ANO1: variants seen among roughly 807,000 people sequenced by gnomAD.
ANO1 encodes the protein anoctamin 1.
Under a neutral mutation model 124.0 loss-of-function variants are expected in ANO1, and 59 were observed. That is an observed-to-expected ratio of 0.48 (90% CI 0.39 to 0.59). The LOEUF (loss-of-function observed/expected upper bound fraction) is 0.59, where lower values mean the gene tolerates loss of function less well. Among genes scored for constraint, ANO1 ranks in the 20% least tolerant of loss-of-function variants. The probability of loss-of-function intolerance (pLI) is 0.00; values close to 1 mark genes in which losing one functional copy is unlikely to be tolerated. For synonymous variants in ANO1, 529 were observed against 532.0 expected (o/e 0.99, Z 0.08); for missense variants, 1,059 against 1,328.0 (o/e 0.80, Z 3.15).
At chr11:70,054,179 G>A (rs888066957) in intron 1 of ANO1, among the ~76,000 whole-genome samples, 12 of 152,150 alleles carry the variant, frequency 7.9e-5, no homozygotes, top group African/African-American at 2.9e-4. Flanking sequence ...AGTCCATGGA[G>A]CTAAGGAAAC....
intron 1 of ANO1, among the ~76,000 whole-genome samples, chr11:70,060,944 T>C (rs1356851019): frequency 6.6e-6 from 1 of 152,170 alleles, no homozygotes; most frequent in African/African-American, 2.4e-5. Context: ...TTAGGGTCTA[T>C]GAGATCAGTT....
intron 1 of ANO1, chr11:70,085,497 T>G: frequency 6.5e-7 from 1 of 1,536,008 alleles, no homozygotes; most frequent in Non-Finnish European, 8.7e-7. Context: ...GTTGCTTAGT[T>G]TCAGCCTCCT....
chr11:70,052,141 T>C (rs1492507), intron 1 of ANO1, among the ~76,000 whole-genome samples: 98,005 of 152,176 alleles, frequency 0.64, 32,090 homozygotes, highest in East Asian at 0.91. Flanking sequence ...CTTATTGATT[T>C]CACACCACTT....
intron 9 of ANO1, among the ~76,000 whole-genome samples, chr11:70,125,497 C>T (rs1167534800): frequency 7.7e-6 from 1 of 130,330 alleles, no homozygotes; most frequent in African/African-American, 2.9e-5. Flanking sequence ...GCCTGGGCAA[C>T]AGGAGCAAAA....
At chr11:70,042,456 G>C (rs1180634081) in intron 1 of ANO1, among the ~76,000 whole-genome samples, 1 of 152,140 alleles carries the variant, frequency 6.6e-6, no homozygotes, top group Non-Finnish European at 1.5e-5. Context: ...ACCCAAGAGG[G>C]GGATGTTGCA....
intron 1 of ANO1, among the ~76,000 whole-genome samples, chr11:70,006,002 G>A (rs1350935626): frequency 6.6e-6 from 1 of 152,176 alleles, no homozygotes; most frequent in Non-Finnish European, 1.5e-5. Context: ...ACACATACAA[G>A]CTTTGCAAAC....
intron 1 of ANO1, among the ~76,000 whole-genome samples, chr11:70,050,632 C>T (rs562448339): frequency 1.3e-4 from 20 of 152,312 alleles, no homozygotes; most frequent in African/African-American, 4.6e-4. Flanking sequence ...TTCCTCCTAA[C>T]TTCTATAACA....
Position 70,149,765 on chromosome 11 carries a change from G to A in ANO1, c.1314G>A (p.Trp438Ter). 1 of 1,613,782 alleles carries A rather than the reference G, an allele frequency of 6.2e-7. No homozygotes were observed. Among genetic ancestry groups the A allele is most frequent in the Non-Finnish European group, 8.5e-7 (1 of 1,179,850 alleles). Residue 438 changes from tryptophan to a stop codon, truncating the protein, a stop_gained, in exon 12 of 26, where the codon TGG (tryptophan) becomes TGA (stop). Coordinates refer to ENST00000355303, the MANE Select transcript of ANO1 (RefSeq NM_018043.7). LOFTEE classifies it high-confidence loss of function. The stretch of plus-strand genomic sequence containing the variant: ...AACAGATGCGACTCAACTACCGCTG[G>A]GACCTCACGGGCTTTGAAGAGGAAG... ...KRKQMRLNYR[W>*]DLTGFEEEEE... is the part of the protein sequence containing the mutation.
At chr11:70,186,362 G>GGAAGGAAGGAAT (rs1230779673) in intron 25 of ANO1, among the ~76,000 whole-genome samples, 1 of 120,732 alleles carries the variant, frequency 8.3e-6, no homozygotes, top group African/African-American at 2.8e-5. Flanking sequence ...GAGGAAGGAA[G>GGAAGGAAGGAAT]GAAGGAAGGA....
At chr11:70,061,857 TA>T (rs1476513313) in intron 1 of ANO1, among the ~76,000 whole-genome samples, 137 of 152,102 alleles carry the variant, frequency 9.0e-4, no homozygotes, top group African/African-American at 3.2e-3. Flanking sequence ...GTCAACCAAT[TA>T]GGGGAGGGTC....
intron 25 of ANO1, among the ~76,000 whole-genome samples, chr11:70,186,352 GAGGA>G (rs58940209): frequency 0.19 from 24,200 of 126,734 alleles, 2,520 homozygotes; most frequent in East Asian, 0.36. Context: ...GAGGGGGAGG[GAGGA>G]AGGAAGGAAG....
At chr11:70,071,006 A>T (rs749061889) in intron 1 of ANO1, among the ~76,000 whole-genome samples, 5 of 152,188 alleles carry the variant, frequency 3.3e-5, no homozygotes, top group Non-Finnish European at 5.9e-5. Context: ...TAGATGGCCC[A>T]TGTACTGGGA....
At chr11:70,097,615 C>T (rs2045052412) in intron 2 of ANO1, among the ~76,000 whole-genome samples, 1 of 152,206 alleles carries the variant, frequency 6.6e-6, no homozygotes, top group South Asian at 2.1e-4. Context: ...TGTTCATGGG[C>T]CTGGGACAAG....
chr11:70,054,985 A>C (rs532733824), intron 1 of ANO1, among the ~76,000 whole-genome samples: 59 of 152,326 alleles, frequency 3.9e-4, no homozygotes, highest in African/African-American at 1.4e-3. Flanking sequence ...ACTGTTTCTA[A>C]ATTTTCACTG....
At chr11:70,045,612 G>A (rs1555005522) in intron 1 of ANO1, among the ~76,000 whole-genome samples, 1 of 152,148 alleles carries the variant, frequency 6.6e-6, no homozygotes, top group South Asian at 2.1e-4. Flanking sequence ...TTGTCTGGAT[G>A]TGAGGCTGGA....
At chr11:69,987,871 A>G (rs1856077740) in intron 1 of ANO1, among the ~76,000 whole-genome samples, 3 of 152,132 alleles carry the variant, frequency 2.0e-5, no homozygotes, top group South Asian at 4.1e-4. Flanking sequence ...GATTCAGCTC[A>G]TCAGATCTGA....
chr11:70,132,780 C>A (rs968463078), intron 11 of ANO1, among the ~76,000 whole-genome samples: 2 of 152,230 alleles, frequency 1.3e-5, no homozygotes, highest in Non-Finnish European at 2.9e-5. Flanking sequence ...TCCTCTGCAG[C>A]CCCGTGTCTC....
chr11:70,185,486 C>A, intron 24 of ANO1, 104 bp from the exon 25 acceptor site: 1 of 1,055,160 alleles, frequency 9.5e-7, no homozygotes, highest in African/African-American at 1.6e-5. Context: ...GGCAGCCGCA[C>A]ACCAAGCTGA....
chr11:70,184,285 C>T (rs2049028466), intron 24 of ANO1, among the ~76,000 whole-genome samples: 2 of 152,198 alleles, frequency 1.3e-5, no homozygotes, highest in African/African-American at 4.8e-5. Flanking sequence ...GCAGAGACCT[C>T]ACCCTGCCCC....
Sources: allele counts gnomAD v4.1 joint callset (sites outside exome capture counted in the v4.1 genomes callset), GRCh38; gene constraint gnomAD v4.1.1; transcripts MANE v1.5; gene names NCBI Gene and HGNC (gene_info 2026-07-23, HGNC 2026-07-21).